The following UXS1 variants were observed in gnomAD, a reference collection of about 807,000 sequenced individuals.
UXS1 encodes the protein UDP-glucuronic acid decarboxylase 1.
Under a neutral mutation model 62.6 loss-of-function variants are expected in UXS1, and 33 were observed. That is an observed-to-expected ratio of 0.53 (90% CI 0.40 to 0.70). UXS1 has a LOEUF of 0.70. Among genes scored for constraint, UXS1 ranks in the 30% least tolerant of loss-of-function variants. The pLI is 0.00. For missense variants in UXS1, 434 were observed against 556.3 expected (o/e 0.78, Z 2.21); for synonymous variants, 213 against 206.8 (o/e 1.03, Z -0.26).
rs915361349 is a variant in UXS1 at position 106,160,805 on chromosome 2, G to A, written c.231-2687C>T. On this transcript the variant is annotated intron_variant, in intron 4 of 14. Transcript: ENST00000283148. Reference sequence around the variant, plus strand: ...GACTAAAAAATACTTCAAATGCAGCGTGCTGAAACCTTTAATTTAAAAAAC... The same window carrying A: ...GACTAAAAAATACTTCAAATGCAGCATGCTGAAACCTTTAATTTAAAAAAC... 5.9e-5 allele frequency among the ~76,000 whole-genome samples: 9 copies of A among 152,222 alleles called. No individual in the cohort carries two copies. The South Asian group carries it at 1.2e-3, about 21-fold the overall frequency.
At chr2:106,116,415 C>G (rs75586188) in intron 9 of UXS1, among the ~76,000 whole-genome samples, 16 of 152,266 alleles carry the variant, frequency 1.1e-4, no homozygotes, top group Non-Finnish European at 2.2e-4. Context: ...TTCTACAACT[C>G]GAGATGGCCA....
chr2:106,143,598 C>G (rs1681324053), intron 6 of UXS1, among the ~76,000 whole-genome samples: 1 of 152,054 alleles, frequency 6.6e-6, no homozygotes, highest in Non-Finnish European at 1.5e-5. Context: ...TATGGCTCAG[C>G]TGGTTCTCAG....
intron 6 of UXS1, among the ~76,000 whole-genome samples, chr2:106,131,030 C>A (rs1385292601): frequency 4.6e-5 from 7 of 150,898 alleles, no homozygotes; most frequent in African/African-American, 1.7e-4. Context: ...AGACAGTGGG[C>A]GCAGGCCAGT....
At chr2:106,159,207 A>T (rs1682702314) in intron 4 of UXS1, 1 of 152,314 alleles carries the variant, frequency 6.6e-6, no homozygotes, top group South Asian at 2.1e-4. Flanking sequence ...CCGGGCTATA[A>T]TCATGGCATT....
intron 7 of UXS1, 87 bp from the exon 8 acceptor site, chr2:106,125,766 A>G: frequency 1.7e-6 from 2 of 1,143,266 alleles, no homozygotes; most frequent in South Asian, 3.5e-5. Flanking sequence ...ATGTTTTAGT[A>G]TTAAAGACAT....
intron 2 of UXS1, among the ~76,000 whole-genome samples, chr2:106,165,421 A>T (rs1025868): frequency 0.98 from 149,232 of 152,358 alleles, 73,145 homozygotes; most frequent in South Asian, 1. Context: ...CTCACAACAT[A>T]ACCAAGTGGA....
chr2:106,168,279 G>C (rs1030913683), intron 1 of UXS1, among the ~76,000 whole-genome samples: 2 of 152,082 alleles, frequency 1.3e-5, no homozygotes, highest in African/African-American at 4.8e-5. Flanking sequence ...GGCCGTCCTC[G>C]CTGCTACACT....
chr2:106,144,230 C>T (rs1037208871), intron 6 of UXS1, among the ~76,000 whole-genome samples: 17 of 152,334 alleles, frequency 1.1e-4, no homozygotes, highest in African/African-American at 4.1e-4. Flanking sequence ...AAAACTACAG[C>T]TTCACTCCAA....
chr2:106,139,060 C>G (rs567905449), intron 6 of UXS1, among the ~76,000 whole-genome samples: 190 of 152,086 alleles, frequency 1.2e-3, no homozygotes, highest in African/African-American at 4.1e-3. Flanking sequence ...CAAGGTTAAC[C>G]CTCACAGCCC....
At position 106,123,037 on chromosome 2, in the gene UXS1, C is replaced by G. The variant is rs1396632743; in HGVS notation, c.692G>C (p.Gly231Ala). ...GCCTTCATCGTAGCAGGCCCGAGGT[C>G]CTATTGGATTCACGTGGCCCCAGTA... ...EDYWGHVNPI[G>A]PRACYDEGKR... Residue 231 changes from glycine (G) to alanine (A), a missense_variant, in exon 9 of 15, where the codon GGA (glycine) becomes GCA (alanine). Around this residue, in one of 3 missense-constraint regions of UXS1, gnomAD observed 134 missense variants for 251.9 expected, o/e 0.53. Coordinates refer to ENST00000283148, the MANE Select transcript of UXS1 (RefSeq NM_001253875.2). The G allele has an allele frequency of 6.2e-7, 1 of 1,613,870 alleles. No individual in the cohort carries two copies. The highest frequency in any genetic ancestry group is 8.5e-7 in the Non-Finnish European group (1 of 1,179,894).
chr2:106,149,295 C>A (rs1681826439), intron 5 of UXS1, among the ~76,000 whole-genome samples: 1 of 152,120 alleles, frequency 6.6e-6, no homozygotes, highest in South Asian at 2.1e-4. Context: ...TAATAAAATT[C>A]ATGGCAAGAT....
chr2:106,188,664 A>T (rs1684730584), intron 1 of UXS1, among the ~76,000 whole-genome samples: 1 of 152,194 alleles, frequency 6.6e-6, no homozygotes, highest in South Asian at 2.1e-4. Flanking sequence ...GTCTTGTGAC[A>T]ATAGCCCGGG....
intron 1 of UXS1, among the ~76,000 whole-genome samples, chr2:106,176,708 G>C (rs1233643221): frequency 2.0e-5 from 3 of 152,224 alleles, no homozygotes. Flanking sequence ...GGTTACACAG[G>C]ATGAAAAGTG....
At chr2:106,143,566 AGGTCTACAGGACCG>A (rs1033876380) in intron 6 of UXS1, among the ~76,000 whole-genome samples, 7 of 152,150 alleles carry the variant, frequency 4.6e-5, no homozygotes, top group Non-Finnish European at 8.8e-5. Flanking sequence ...CCGATCTGAC[AGGTCTACAGGACCG>A]GGCACAGTAT....
intron 14 of UXS1, 84 bp from the exon 15 acceptor site, chr2:106,094,241 G>GGAAGTGCCACCTTGCAGGAA: frequency 6.3e-7 from 1 of 1,598,114 alleles, no homozygotes; most frequent in Non-Finnish European, 8.5e-7. Flanking sequence ...CTTGCAGGAA[G>GGAAGTGCCACCTTGCAGGAA]GAAGTGCCAC....
intron 5 of UXS1, among the ~76,000 whole-genome samples, chr2:106,155,579 A>G (rs117838555): frequency 1.3e-5 from 2 of 152,352 alleles, no homozygotes; most frequent in East Asian, 3.9e-4. Flanking sequence ...TCAGTATAGC[A>G]ACATGCTGTA....
chr2:106,173,648 T>G (rs777607201), intron 1 of UXS1, among the ~76,000 whole-genome samples: 5 of 152,206 alleles, frequency 3.3e-5, no homozygotes, highest in Non-Finnish European at 5.9e-5. Context: ...GCTATTCAAC[T>G]CTACCACTGG....
At chr2:106,145,445 G>A in intron 5 of UXS1, 75 bp from the exon 6 acceptor site, 1 of 1,484,286 alleles carries the variant, frequency 6.7e-7, no homozygotes. Flanking sequence ...GCTCCACGGA[G>A]AGACATCTCT....
At chr2:106,160,561 C>T (rs1323267214) in intron 4 of UXS1, 1 of 152,316 alleles carries the variant, frequency 6.6e-6, no homozygotes, top group African/African-American at 2.4e-5. Flanking sequence ...AGCGGAGGCG[C>T]AGGACTGTGG....
Sources: allele counts gnomAD v4.1 joint callset (sites outside exome capture counted in the v4.1 genomes callset), GRCh38; gene constraint gnomAD v4.1.1; regional missense constraint gnomAD v4.1.1; transcripts MANE v1.5; gene names NCBI Gene and HGNC (gene_info 2026-07-23, HGNC 2026-07-21).